ZFC3H1: variants seen among roughly 807,000 people sequenced by gnomAD.
ZFC3H1 encodes the protein zinc finger C3H1 domain-containing protein.
A neutral mutation model predicts 243.7 loss-of-function variants in ZFC3H1; 71 were observed. The ratio of observed to expected loss-of-function variants is 0.29; its 90% CI spans 0.24 to 0.36. The LOEUF (loss-of-function observed/expected upper bound fraction) is 0.36. Ranked by LOEUF, ZFC3H1 falls within the 10% of genes least tolerant of loss-of-function variation. ZFC3H1 has a pLI of 1.00. For missense variants in ZFC3H1, 1,966 were observed against 2,317.1 expected, an observed-to-expected ratio of 0.85 and a Z score of 3.11; for synonymous variants, 838 against 813.0, an observed-to-expected ratio of 1.03 and a Z score of -0.52.
At position 71,657,286 on chromosome 12, in the gene ZFC3H1, C is replaced by A; in HGVS notation, c.614G>T (p.Arg205Met). ...PPRKSSKSFGRSPSRKQNYSS... is the reference protein window; with the variant it reads ...PPRKSSKSFGMSPSRKQNYSS... Reference sequence around the variant, plus strand: ...ATAATTTTGTTTTCTTGATGGAGACCTTCCAAAACTTTTGGCTGAACAGCA... The same window carrying A: ...ATAATTTTGTTTTCTTGATGGAGACATTCCAAAACTTTTGGCTGAACAGCA... The change falls in exon 2 of 35, where the codon AGG becomes ATG. Residue 205 changes from arginine (R) to methionine (M), a missense_variant. Around this residue, in one of 4 missense-constraint regions of ZFC3H1, gnomAD observed 484 missense variants for 449.7 expected, o/e 1.08. Transcript: ENST00000378743. 2 of 1,540,358 alleles carry A rather than the reference C, an allele frequency of 1.3e-6. No individual in the cohort carries two copies. The highest frequency in any genetic ancestry group is 1.7e-6 in the Non-Finnish European group (2 of 1,149,166).
At chr12:71,659,275 A>G (rs1022994570) in intron 1 of ZFC3H1, among the ~76,000 whole-genome samples, 6 of 152,236 alleles carry the variant, frequency 3.9e-5, no homozygotes, top group Non-Finnish European at 8.8e-5. Flanking sequence ...GAATACAAAT[A>G]TAAGATCATT....
At chr12:71,662,918 G>C (rs548911902) in intron 1 of ZFC3H1, 95 bp downstream of exon 1, 2 of 1,258,148 alleles carry the variant, frequency 1.6e-6, no homozygotes, top group East Asian at 4.7e-5. Context: ...AAGCGGTTCT[G>C]ATGATTCAAA....
chr12:71,657,357 C>CA (rs892640400), intron 1 of ZFC3H1, 56 bp from the exon 2 acceptor site: 7 of 1,247,706 alleles, frequency 5.6e-6, no homozygotes, highest in African/African-American at 4.6e-5. Flanking sequence ...TTAAATTTAA[C>CA]AAAAAAACTT....
intron 31 of ZFC3H1, among the ~76,000 whole-genome samples, chr12:71,613,086 G>A (rs899184283): frequency 6.6e-6 from 1 of 152,310 alleles, no homozygotes; most frequent in Non-Finnish European, 1.5e-5. Flanking sequence ...AGGGAACACA[G>A]ATGAACTTTA....
At position 71,645,018 on chromosome 12, in the gene ZFC3H1, G is replaced by A; in HGVS notation, c.1138C>T (p.Gln380Ter). 1.2e-6 allele frequency: 2 copies of A among 1,613,804 alleles called. No homozygotes were observed. Among genetic ancestry groups the A allele is most frequent in the Non-Finnish European group, 1.7e-6 (2 of 1,180,002 alleles). ...SELQLRLLAL[Q>*]SASKKWQQKE... ...TGTTGCCATTTTTTACTGGCTGACT[G>A]AAGAGCCAAAAGGCGAAGCTGTAAT... The change falls in exon 4 of 35, where the codon CAG becomes TAG. Residue 380 changes from glutamine (Q) to a stop codon, truncating the protein, a stop_gained. Transcript: ENST00000378743. LOFTEE classifies it high-confidence loss of function.
At position 71,644,980 on chromosome 12, in the gene ZFC3H1, C is replaced by G. The variant is rs775187189; in HGVS notation, c.1176G>C (p.Gln392His). 9.3e-6 allele frequency: 15 copies of G among 1,613,496 alleles called. No homozygotes were observed. The highest frequency in any genetic ancestry group is 1.3e-5 in the Non-Finnish European group (15 of 1,180,024). ...ACTTTTCTTTGCTTTCTTTCATCAC[C>G]TGCTGTTCTTTTTGTTGCCATTTTT... The part of the protein sequence containing the change: ...ASKKWQQKEQ[Q>H]VMKESKEKLT... The change falls in exon 4 of 35, where the codon CAG becomes CAC. Residue 392 changes from glutamine (Q) to histidine (H), a missense_variant. Gln to His is a conservative substitution (Grantham distance 24, BLOSUM62 0). Transcript: ENST00000378743.
chr12:71,628,310 T>A (rs2137530622), intron 20 of ZFC3H1, among the ~76,000 whole-genome samples: 1 of 152,342 alleles, frequency 6.6e-6, no homozygotes, highest in African/African-American at 2.4e-5. Context: ...AAAGTCATAA[T>A]TTATAAAGAT....
At chr12:71,628,232 C>T (rs1324228694) in intron 20 of ZFC3H1, among the ~76,000 whole-genome samples, 1 of 152,136 alleles carries the variant, frequency 6.6e-6, no homozygotes, top group Non-Finnish European at 1.5e-5. Context: ...AACTATGATT[C>T]AACTGCTTTT....
intron 1 of ZFC3H1, among the ~76,000 whole-genome samples, chr12:71,660,069 G>A (rs1306860011): frequency 1.3e-5 from 2 of 152,132 alleles, no homozygotes; most frequent in Non-Finnish European, 2.9e-5. Context: ...AGTGAAAGGA[G>A]TTATGGCAAA....
chr12:71,657,636 G>T (rs1881054686), intron 1 of ZFC3H1, among the ~76,000 whole-genome samples: 1 of 152,188 alleles, frequency 6.6e-6, no homozygotes, highest in Non-Finnish European at 1.5e-5. Context: ...GTATGTTAGA[G>T]ATTATTTTCT....
At chr12:71,647,668 A>T (rs1404751081) in intron 3 of ZFC3H1, 81 bp downstream of exon 3, 1 of 731,188 alleles carries the variant, frequency 1.4e-6, no homozygotes, top group African/African-American at 1.9e-5. Context: ...AGTAAGATAG[A>T]CTTCCCTTAC....
At chr12:71,650,416 CA>C (rs1880854239) in intron 2 of ZFC3H1, among the ~76,000 whole-genome samples, 1 of 151,966 alleles carries the variant, frequency 6.6e-6, no homozygotes, top group Non-Finnish European at 1.5e-5. Context: ...TAGGTCTGTA[CA>C]ATAAAATTAT....
At chr12:71,644,410 G>A in intron 4 of ZFC3H1, 92 bp from the exon 5 acceptor site, 3 of 1,301,664 alleles carry the variant, frequency 2.3e-6, no homozygotes, top group Non-Finnish European at 2.1e-6. Context: ...TGATTAATCA[G>A]TGATGATGCT....
chr12:71,647,920 G>C, intron 2 of ZFC3H1, 107 bp from the exon 3 acceptor site: 2 of 432,514 alleles, frequency 4.6e-6, no homozygotes, highest in Non-Finnish European at 7.9e-6. Flanking sequence ...GATCATTAAA[G>C]GGTCTCATTT....
chr12:71,632,597 C>T, intron 14 of ZFC3H1, 83 bp from the exon 15 acceptor site: 1 of 1,413,366 alleles, frequency 7.1e-7, no homozygotes, highest in Non-Finnish European at 9.4e-7. Flanking sequence ...GCTATCCCCA[C>T]CATACAATGC....
chr12:71,611,104 G>T lies in ZFC3H1; in HGVS notation c.5730-7C>A. The T allele has an allele frequency of 5.1e-5, 65 of 1,280,966 alleles. No individual in the cohort carries two copies. The highest frequency in any genetic ancestry group is 1.3e-4 in the African/African-American group (7 of 52,274). The allele number at this position is 1,280,966 out of a possible 1,614,324, so 79.3% of individuals were successfully genotyped here. A position where few individuals can be genotyped will look rare whatever the true frequency, so the allele number is the denominator to read the frequency against. The stretch of plus-strand genomic sequence containing the variant: ...AATCTCAGCAGCAATGGCTCTAAGA[G>T]AAAAAAAAAAAAAAAGAAATATAGA... On this transcript the variant is annotated splice_region_variant and splice_polypyrimidine_tract_variant and intron_variant, in intron 32 of 34. Transcript: ENST00000378743.
At chr12:71,621,452 C>T (rs1422770378) in intron 24 of ZFC3H1, among the ~76,000 whole-genome samples, 1 of 152,070 alleles carries the variant, frequency 6.6e-6, no homozygotes, top group African/African-American at 2.4e-5. Flanking sequence ...TACAGGCACA[C>T]ACCACCATGC....
At chr12:71,610,969 G>A (rs1222981026) in intron 33 of ZFC3H1, 89 bp downstream of exon 33, 6 of 1,548,576 alleles carry the variant, frequency 3.9e-6, no homozygotes, top group Non-Finnish European at 4.4e-6. Context: ...GTTAACTTCT[G>A]TGCTTTAATT....
chr12:71,640,227 G>A (rs113471201), intron 6 of ZFC3H1, among the ~76,000 whole-genome samples: 8,848 of 152,220 alleles, frequency 0.058, 359 homozygotes, highest in South Asian at 0.087. Flanking sequence ...TCACCATGTT[G>A]GCCAGGCTGG....
Sources: gnomAD v4.1 joint callset for allele counts (sites outside exome capture counted in the v4.1 genomes callset) on GRCh38, gnomAD v4.1.1 for gene constraint, gnomAD v4.1.1 regional missense constraint, MANE v1.5 for transcripts, NCBI Gene and HGNC (gene_info 2026-07-23, HGNC 2026-07-21) for gene names.